Variants in ANKFN1 observed in about 807,000 individuals in gnomAD.
The protein encoded by ANKFN1 is ankyrin repeat and fibronectin type III domain containing 1.
Under a neutral mutation model 108.7 loss-of-function variants are expected in ANKFN1, and 74 were observed. That is an observed-to-expected ratio of 0.68 (90% CI 0.56 to 0.83). The LOEUF (loss-of-function observed/expected upper bound fraction) is 0.83. Ranked by LOEUF, ANKFN1 falls within the 40% of genes least tolerant of loss-of-function variation. The pLI, the probability that ANKFN1 is intolerant of heterozygous loss-of-function variation, is 0.00. For missense variants in ANKFN1, 1,505 were observed against 1,382.3 expected, an observed-to-expected ratio of 1.09 and a Z score of -1.41; for synonymous variants, 547 against 516.2, an observed-to-expected ratio of 1.06 and a Z score of -0.81.
At chr17:56,276,326 C>T (rs1325774095) in intron 3 of ANKFN1, among the ~76,000 whole-genome samples, 1 of 152,054 alleles carries the variant, frequency 6.6e-6, no homozygotes, top group African/African-American at 2.4e-5. Context: ...ACATACACGT[C>T]TTTATAGTAG....
At chr17:56,321,807 C>G (rs773154626) in intron 3 of ANKFN1, among the ~76,000 whole-genome samples, 2 of 152,098 alleles carry the variant, frequency 1.3e-5, no homozygotes, top group Admixed American at 1.3e-4. Context: ...AATAATGAAG[C>G]CTAATGATAA....
At chr17:56,204,044 A>G (rs1159831268) in intron 1 of ANKFN1, among the ~76,000 whole-genome samples, 1 of 151,840 alleles carries the variant, frequency 6.6e-6, no homozygotes, top group Non-Finnish European at 1.5e-5. Context: ...ATATTAAATT[A>G]ATTAATTAAT....
chr17:56,116,978 A>G (rs1906320976), intron 4 of ANKFN1, among the ~76,000 whole-genome samples: 2 of 152,076 alleles, frequency 1.3e-5, no homozygotes, highest in African/African-American at 4.8e-5. Flanking sequence ...TTTATCAATT[A>G]TCTGTATGTA....
At chr17:56,295,300 A>G (rs919142068) in intron 3 of ANKFN1, among the ~76,000 whole-genome samples, 7 of 152,332 alleles carry the variant, frequency 4.6e-5, no homozygotes, top group Non-Finnish European at 4.4e-5. Context: ...AAGAAAGGCA[A>G]TTTCCTTTAA....
At chr17:56,124,348 T>G (rs1906799693) in intron 4 of ANKFN1, among the ~76,000 whole-genome samples, 1 of 152,214 alleles carries the variant, frequency 6.6e-6, no homozygotes, top group South Asian at 2.1e-4. Context: ...AGTCCATGTG[T>G]GATGGCCACA....
At chr17:56,358,520 C>A (rs1024474243) in intron 6 of ANKFN1, among the ~76,000 whole-genome samples, 2 of 152,160 alleles carry the variant, frequency 1.3e-5, no homozygotes, top group African/African-American at 2.4e-5. Flanking sequence ...ATATACAGAA[C>A]CCCAGCCTAC....
intron 1 of ANKFN1, among the ~76,000 whole-genome samples, chr17:56,160,350 G>A (rs1353194184): frequency 6.6e-6 from 1 of 152,166 alleles, no homozygotes; most frequent in African/African-American, 2.4e-5. Context: ...AGTAATGTAG[G>A]ATCAGTGTGG....
At chr17:56,508,378 A>G (rs971631304) in intron 20 of ANKFN1, among the ~76,000 whole-genome samples, 1 of 152,224 alleles carries the variant, frequency 6.6e-6, no homozygotes, top group East Asian at 1.9e-4. Context: ...GTTTTTAAAA[A>G]TATGTTTTTT....
chr17:56,194,403 C>T (rs1215417042), intron 1 of ANKFN1, among the ~76,000 whole-genome samples: 1 of 152,112 alleles, frequency 6.6e-6, no homozygotes, highest in Non-Finnish European at 1.5e-5. Flanking sequence ...TGTGGTACAT[C>T]AGGCAATGGG....
chr17:56,403,311 T>C (rs889766924), intron 8 of ANKFN1, among the ~76,000 whole-genome samples: 1 of 152,204 alleles, frequency 6.6e-6, no homozygotes, highest in Non-Finnish European at 1.5e-5. Context: ...AGTCCCCTAC[T>C]ATTATTGTGT....
At chr17:56,325,691 G>T (rs947812823) in intron 3 of ANKFN1, among the ~76,000 whole-genome samples, 2 of 152,174 alleles carry the variant, frequency 1.3e-5, no homozygotes. Flanking sequence ...AAGGAATTGC[G>T]CAGGTGCCCT....
intron 8 of ANKFN1, among the ~76,000 whole-genome samples, chr17:56,425,844 G>A (rs146104987): frequency 3.5e-4 from 54 of 152,218 alleles, no homozygotes; most frequent in African/African-American, 5.3e-4. Flanking sequence ...TGACTTGACC[G>A]TCTCGCTTCC....
intron 4 of ANKFN1, among the ~76,000 whole-genome samples, chr17:56,140,648 G>T (rs752844920): frequency 1.3e-5 from 2 of 152,152 alleles, no homozygotes; most frequent in Non-Finnish European, 2.9e-5. Context: ...CATCTAAAAA[G>T]AAGTGAATAT....
intron 18 of ANKFN1, among the ~76,000 whole-genome samples, chr17:56,487,440 C>A (rs1598707943): frequency 6.6e-6 from 1 of 151,902 alleles, no homozygotes; most frequent in Admixed American, 6.6e-5. Context: ...TGGGTGCTCA[C>A]AACTGACAGC....
intron 10 of ANKFN1, among the ~76,000 whole-genome samples, chr17:56,448,443 A>T (rs2049367255): frequency 6.6e-6 from 1 of 152,214 alleles, no homozygotes; most frequent in Admixed American, 6.5e-5. Flanking sequence ...CTTGTAAGCT[A>T]ATACTGTATA....
intron 4 of ANKFN1, among the ~76,000 whole-genome samples, chr17:56,328,533 T>C (rs2045581656): frequency 6.6e-6 from 1 of 152,240 alleles, no homozygotes; most frequent in African/African-American, 2.4e-5. Flanking sequence ...GAATTAGTAT[T>C]CTATTAATTA....
chr17:56,227,888 A>T, intron 2 of ANKFN1, 29 bp from the exon 3 acceptor site: 1 of 1,586,432 alleles, frequency 6.3e-7, no homozygotes, highest in Middle Eastern at 1.7e-4. Context: ...ACAATTTTTT[A>T]ACATTCTTTT....
At chr17:56,162,520 TG>T (rs1347658994) in intron 1 of ANKFN1, among the ~76,000 whole-genome samples, 1 of 152,228 alleles carries the variant, frequency 6.6e-6, no homozygotes, top group Non-Finnish European at 1.5e-5. Context: ...ACAGTCATAT[TG>T]GAGTAGGGTC....
chr17:56,290,677 A>G (rs1024240700), intron 3 of ANKFN1, among the ~76,000 whole-genome samples: 14 of 152,174 alleles, frequency 9.2e-5, no homozygotes, highest in African/African-American at 3.4e-4. Context: ...TATCTCAGAA[A>G]TTGAAAGTGA....
Sources: allele counts gnomAD v4.1 joint callset (sites outside exome capture counted in the v4.1 genomes callset), GRCh38; gene constraint gnomAD v4.1.1; transcripts MANE v1.5; gene names NCBI Gene and HGNC (gene_info 2026-07-23, HGNC 2026-07-21).